Variants in STMN2 observed in about 807,000 individuals in gnomAD.
The protein encoded by STMN2 is stathmin-2.
In STMN2, 2 loss-of-function variants were observed where a neutral mutation model predicts 24.1. The ratio of observed to expected loss-of-function variants is 0.08; its 90% confidence interval spans 0.03 to 0.26. The LOEUF (loss-of-function observed/expected upper bound fraction) is 0.26, where lower values mean the gene tolerates loss of function less well. STMN2 is among the 10% of genes least tolerant of loss of function. The pLI is 1.00. For synonymous variants in STMN2, 83 were observed against 77.5 expected, an observed-to-expected ratio of 1.07 and a Z score of -0.37; for missense variants, 114 against 213.6, an observed-to-expected ratio of 0.53 and a Z score of 2.91.
intron 1 of STMN2, among the ~76,000 whole-genome samples, chr8:79,628,318 C>T (rs1309905085): frequency 1.3e-5 from 2 of 152,018 alleles, no homozygotes; most frequent in African/African-American, 4.8e-5. Context: ...CACGCACCAC[C>T]ATGCCCGGCT....
At chr8:79,652,304 T>C (rs1394505046) in intron 3 of STMN2, among the ~76,000 whole-genome samples, 1 of 152,152 alleles carries the variant, frequency 6.6e-6, no homozygotes, top group African/African-American at 2.4e-5. Context: ...CCTTCTTCCT[T>C]GAGAAGGTTT....
intron 1 of STMN2, among the ~76,000 whole-genome samples, chr8:79,634,355 T>G (rs1401863871): frequency 6.6e-6 from 1 of 152,230 alleles, no homozygotes; most frequent in African/African-American, 2.4e-5. Flanking sequence ...GGTTTAGCCT[T>G]CTAAAATTCC....
At chr8:79,635,349 G>A (rs1025731012) in intron 1 of STMN2, among the ~76,000 whole-genome samples, 2 of 152,012 alleles carry the variant, frequency 1.3e-5, no homozygotes, top group Non-Finnish European at 2.9e-5. Context: ...TAGAAAGAGG[G>A]AGAGACAAAG....
intron 1 of STMN2, among the ~76,000 whole-genome samples, chr8:79,629,086 A>G (rs1489527103): frequency 1.3e-5 from 2 of 152,122 alleles, no homozygotes. Flanking sequence ...CTTTCACCCT[A>G]TTTAGCTGCC....
intron 2 of STMN2, among the ~76,000 whole-genome samples, chr8:79,638,654 C>A (rs962172810): frequency 1.9e-4 from 29 of 152,122 alleles, no homozygotes; most frequent in African/African-American, 7.0e-4. Flanking sequence ...ATTCAGCATC[C>A]TTTATCATTT....
intron 1 of STMN2, among the ~76,000 whole-genome samples, chr8:79,624,540 C>CAT (rs1809607697): frequency 6.6e-6 from 1 of 150,936 alleles, no homozygotes; most frequent in Non-Finnish European, 1.5e-5. Flanking sequence ...GTCCAGCTTG[C>CAT]ATAGCTGAAA....
chr8:79,618,244 A>G (rs1403143637), intron 1 of STMN2, among the ~76,000 whole-genome samples: 1 of 152,220 alleles, frequency 6.6e-6, no homozygotes, highest in East Asian at 1.9e-4. Context: ...TATTCAAATA[A>G]TTGCCATGAT....
chr8:79,651,238 A>C (rs983846183), intron 3 of STMN2, among the ~76,000 whole-genome samples: 6 of 152,204 alleles, frequency 3.9e-5, no homozygotes, highest in Non-Finnish European at 7.3e-5. Flanking sequence ...CAGCAGACTC[A>C]CGTGACCACA....
intron 1 of STMN2, among the ~76,000 whole-genome samples, chr8:79,628,156 T>G (rs891736040): frequency 6.6e-6 from 1 of 151,988 alleles, no homozygotes; most frequent in African/African-American, 2.4e-5. Flanking sequence ...GTTTTATTTT[T>G]TTTTATTTTT....
At chr8:79,655,900 C>A (rs1164859240) in intron 4 of STMN2, among the ~76,000 whole-genome samples, 3 of 152,148 alleles carry the variant, frequency 2.0e-5, no homozygotes, top group East Asian at 3.8e-4. Context: ...TCACCCTTCC[C>A]GCCAGTAGCA....
rs574026404 is a variant in STMN2, at chr8:79,626,460, CTA to C, written c.20-10340_20-10339del. 9.8e-5 allele frequency among the ~76,000 whole-genome samples: 15 copies of C among 152,316 alleles called. 1 individual carries two copies. The South Asian group carries it at 3.1e-3, about 32-fold the overall frequency. On this transcript the variant is annotated intron_variant, in intron 1 of 4. Transcript: ENST00000220876. ...TTTCAAACTATCACTGTAGCTAAAG[CTA>C]TGTGGTAAGGGCCAAGGAAAAGAAG...
At chr8:79,650,548 G>A (rs1810313282) in intron 3 of STMN2, among the ~76,000 whole-genome samples, 1 of 152,126 alleles carries the variant, frequency 6.6e-6, no homozygotes, top group African/African-American at 2.4e-5. Context: ...TGGAATTAGA[G>A]CCAATTTTTT....
At chr8:79,643,225 C>T (rs1385987832) in intron 3 of STMN2, among the ~76,000 whole-genome samples, 2 of 138,304 alleles carry the variant, frequency 1.4e-5, no homozygotes, top group African/African-American at 2.7e-5. Flanking sequence ...GCTACTAACT[C>T]GACTATATAT....
At chr8:79,646,009 T>C (rs1276821685) in intron 3 of STMN2, among the ~76,000 whole-genome samples, 3 of 152,314 alleles carry the variant, frequency 2.0e-5, no homozygotes, top group East Asian at 1.9e-4. Flanking sequence ...TTTTTTTCTT[T>C]CTTATTCAAC....
At chr8:79,611,999 C>CG (rs1312898332) in intron 1 of STMN2, among the ~76,000 whole-genome samples, 3 of 151,852 alleles carry the variant, frequency 2.0e-5, no homozygotes, top group Non-Finnish European at 4.4e-5. Flanking sequence ...CCAGCGGTCC[C>CG]GGGGGGAGGC....
At chr8:79,636,684 G>C (rs1285263933) in intron 1 of STMN2, 118 bp from the exon 2 acceptor site, 1 of 859,612 alleles carries the variant, frequency 1.2e-6, no homozygotes, top group Non-Finnish European at 1.8e-6. Flanking sequence ...GAATGCAAAG[G>C]AGTCTACCTG....
At chr8:79,615,680 ATAAAATCTT>A (rs746975627) in intron 1 of STMN2, among the ~76,000 whole-genome samples, 34 of 152,202 alleles carry the variant, frequency 2.2e-4, no homozygotes, top group Admixed American at 3.9e-4. Flanking sequence ...TAACTGTTTA[ATAAAATCTT>A]TTCTTTTACC....
At chr8:79,652,754 GGT>G in intron 3 of STMN2, among the ~76,000 whole-genome samples, 1 of 152,000 alleles carries the variant, frequency 6.6e-6, no homozygotes, top group East Asian at 1.9e-4. Flanking sequence ...ATATGAGATA[GGT>G]ACTATTCTTA....
intron 1 of STMN2, among the ~76,000 whole-genome samples, chr8:79,630,008 A>C (rs1042662930): frequency 6.6e-6 from 1 of 152,214 alleles, no homozygotes; most frequent in Admixed American, 6.5e-5. Flanking sequence ...TTAATTCCTT[A>C]GATTGATAGA....
Sources: gnomAD v4.1 joint callset for allele counts (sites outside exome capture counted in the v4.1 genomes callset) on GRCh38, gnomAD v4.1.1 for gene constraint, MANE v1.5 for transcripts, NCBI Gene and HGNC (gene_info 2026-07-23, HGNC 2026-07-21) for gene names.